FRMPD1: variants seen among roughly 807,000 people sequenced by gnomAD.
The protein encoded by FRMPD1 is FERM and PDZ domain containing 1.
A neutral mutation model predicts 117.8 loss-of-function variants in FRMPD1; 76 were observed. The ratio of observed to expected loss-of-function variants is 0.65; its 90% CI spans 0.54 to 0.78. The LOEUF (loss-of-function observed/expected upper bound fraction) is 0.78, where lower values mean the gene tolerates loss of function less well. FRMPD1 is among the 30% of genes least tolerant of loss of function. The pLI is 0.00. For missense variants in FRMPD1, 1,786 were observed against 1,964.5 expected (o/e 0.91, Z 1.72); for synonymous variants, 783 against 770.4 (o/e 1.02, Z -0.27).
chr9:37,631,074 GCACTTGTTGGGTGTCACTT>G, the FRMPD1 span, among the ~76,000 whole-genome samples: 1 of 152,188 alleles, frequency 6.6e-6, no homozygotes, highest in African/African-American at 2.4e-5. Flanking sequence ...AAGTCTGTCT[GCACTTGTTGGGTGTCACTT>G]CACAGAGGAG....
Position 37,745,155 on chromosome 9 carries a change from A to G in FRMPD1, c.3123A>G (p.Thr1041=). Residue 1041 remains threonine, a synonymous_variant, in exon 16 of 16, where the codon ACA becomes ACG. Coordinates refer to ENST00000377765, the MANE Select transcript of FRMPD1 (RefSeq NM_014907.3). ...TAAATAATGTCTCTCAAGGAGACAC[A>G]CTAGAGCTCCAGTTGGAGCCCCATG... The part of the protein sequence containing the change: ...PGLNNVSQGD[T]LELQLEPHVQ... The G allele has an allele frequency of 1.9e-6, 3 of 1,614,070 alleles. No individual in the cohort carries two copies. The highest frequency in any genetic ancestry group is 1.7e-6 in the Non-Finnish European group (2 of 1,180,004).
intron 1 of FRMPD1, among the ~76,000 whole-genome samples, chr9:37,680,958 C>T (rs1821708493): frequency 2.6e-5 from 4 of 151,858 alleles, no homozygotes; most frequent in Admixed American, 2.0e-4. Flanking sequence ...GCCTGTAATC[C>T]CAGCACTTTG....
chr9:37,605,812 T>C, the FRMPD1 span, among the ~76,000 whole-genome samples: 1 of 152,078 alleles, frequency 6.6e-6, no homozygotes, highest in African/African-American at 2.4e-5. Flanking sequence ...ATTCTTGGGC[T>C]GAAGGGATCC....
chr9:37,680,077 C>T (rs1251112775), intron 1 of FRMPD1, among the ~76,000 whole-genome samples: 1 of 152,166 alleles, frequency 6.6e-6, no homozygotes, highest in Non-Finnish European at 1.5e-5. Context: ...GCCTGGGTCC[C>T]CATCCCCTCA....
Position 37,746,145 on chromosome 9 carries a change from T to C in FRMPD1, c.4113T>C (p.Ser1371=), listed in dbSNP as rs750224117. Residue 1371 remains serine, a synonymous_variant, in exon 16 of 16, where the codon TCT becomes TCC. Coordinates refer to ENST00000377765, the MANE Select transcript of FRMPD1 (RefSeq NM_014907.3). ...HPMAPLTSPP[S]AGSPVVLPWR... ...TGGCCCCCCTCACCTCACCGCCCTC[T>C]GCGGGAAGCCCGGTGGTTCTGCCCT... is the stretch of plus-strand genomic sequence containing the variant. 7 of 1,613,810 alleles carry C rather than the reference T, an allele frequency of 4.3e-6. No homozygotes were observed. Among genetic ancestry groups the C allele is most frequent in the Non-Finnish European group, 3.4e-6 (4 of 1,180,008 alleles).
intron 2 of FRMPD1, among the ~76,000 whole-genome samples, chr9:37,695,665 G>T (rs1219378339): frequency 6.6e-6 from 1 of 152,010 alleles, no homozygotes; most frequent in Admixed American, 6.6e-5. Flanking sequence ...AGACTAAATG[G>T]TACCACCTAC....
At chr9:37,660,200 C>T (rs555497764) in intron 1 of FRMPD1, among the ~76,000 whole-genome samples, 57 of 152,178 alleles carry the variant, frequency 3.7e-4, no homozygotes, top group African/African-American at 1.3e-3. Context: ...ATGAATCAGA[C>T]AGTCCCTGCC....
the FRMPD1 span, among the ~76,000 whole-genome samples, chr9:37,636,166 GGAAA>G: frequency 6.6e-6 from 1 of 152,208 alleles, no homozygotes; most frequent in Non-Finnish European, 1.5e-5. Context: ...AGTGGGGAGA[GGAAA>G]GGGTGGGCTG....
upstream of FRMPD1, among the ~76,000 whole-genome samples, chr9:37,648,073 G>T (rs952185639): frequency 1.3e-5 from 2 of 152,090 alleles, no homozygotes; most frequent in African/African-American, 4.8e-5. Flanking sequence ...GTGCTGGCTA[G>T]CAAGTAATGA....
chr9:37,732,498 G>A lies in FRMPD1; in HGVS notation c.995+58G>A, dbSNP rs1037114715. On this transcript the variant is annotated intron_variant, in intron 10 of 15. Coordinates refer to ENST00000377765, the MANE Select transcript of FRMPD1 (RefSeq NM_014907.3). ...TTATAACTTGCTGGCCCCTGGCCAGGAGGGCCAGATGCCACAGAAAGCTGA... is the reference window on the plus strand; with the variant it reads ...TTATAACTTGCTGGCCCCTGGCCAGAAGGGCCAGATGCCACAGAAAGCTGA... 7.2e-6 allele frequency: 11 copies of A among 1,517,954 alleles called. No homozygotes were observed. The African/African-American group carries it at 1.4e-4, about 19-fold the overall frequency. 94.0% of individuals were successfully genotyped at this position (1,517,954 alleles called of 1,614,324 possible). A position where few individuals can be genotyped will look rare whatever the true frequency, so the allele number is the denominator to read the frequency against.
chr9:37,710,981 T>C (rs975112226), intron 4 of FRMPD1, among the ~76,000 whole-genome samples: 1 of 142,268 alleles, frequency 7.0e-6, no homozygotes, highest in Non-Finnish European at 1.5e-5. Context: ...AAAAAAAAAA[T>C]TGGGGGACAT....
At position 37,744,790 on chromosome 9, in the gene FRMPD1, G is replaced by A. The variant is rs768722195; in HGVS notation, c.2758G>A (p.Val920Ile). 2.7e-5 allele frequency: 43 copies of A among 1,614,036 alleles called. No homozygotes were observed. Among genetic ancestry groups the A allele is most frequent in the Non-Finnish European group, 3.2e-5 (38 of 1,180,042 alleles). Residue 920 changes from valine to isoleucine, a missense_variant, in exon 16 of 16, where the codon GTC (valine) becomes ATC (isoleucine). Coordinates refer to ENST00000377765, the MANE Select transcript of FRMPD1 (RefSeq NM_014907.3). Reference sequence around the variant, plus strand: ...CAAGAGCACAAACCCAGCCTCCAGGGTCATGGAGATGGAGCCCGAGACCAT... The same window carrying A: ...CAAGAGCACAAACCCAGCCTCCAGGATCATGGAGATGGAGCCCGAGACCAT... ...ETKSTNPASR[V>I]MEMEPETMET... is the part of the protein sequence containing the mutation.
the FRMPD1 span, among the ~76,000 whole-genome samples, chr9:37,626,344 A>C: frequency 5.9e-5 from 9 of 151,632 alleles, no homozygotes; most frequent in Non-Finnish European, 8.8e-5. Flanking sequence ...AATAAAAATA[A>C]AAATACAAAA....
the FRMPD1 span, among the ~76,000 whole-genome samples, chr9:37,634,851 A>G: frequency 2.0e-5 from 3 of 151,244 alleles, no homozygotes; most frequent in Admixed American, 1.3e-4. Flanking sequence ...TGCTGCACCT[A>G]TTGACCCACC....
the FRMPD1 span, among the ~76,000 whole-genome samples, chr9:37,608,935 G>A: frequency 1.3e-5 from 2 of 152,174 alleles, no homozygotes; most frequent in East Asian, 1.9e-4. Flanking sequence ...CAGTCCAACC[G>A]TGCTCCTGAA....
chr9:37,662,909 G>A (rs1004497873), intron 1 of FRMPD1, among the ~76,000 whole-genome samples: 1 of 152,186 alleles, frequency 6.6e-6, no homozygotes, highest in Non-Finnish European at 1.5e-5. Context: ...AATTACATGC[G>A]TAAAGAGAAT....
At chr9:37,626,946 C>A in the FRMPD1 span, among the ~76,000 whole-genome samples, 113 of 152,292 alleles carry the variant, frequency 7.4e-4, no homozygotes, top group South Asian at 1.7e-3. Flanking sequence ...AGTACACCTG[C>A]TTTGCAAGTG....
chr9:37,664,380 A>C (rs1325915), intron 1 of FRMPD1, among the ~76,000 whole-genome samples: 1 of 151,846 alleles, frequency 6.6e-6, no homozygotes, highest in Non-Finnish European at 1.5e-5. Context: ...ATAGGTATAC[A>C]TGTGCCTAGT....
chr9:37,684,512 T>C (rs1419541567), intron 1 of FRMPD1, among the ~76,000 whole-genome samples: 1 of 152,154 alleles, frequency 6.6e-6, no homozygotes, highest in Non-Finnish European at 1.5e-5. Context: ...ATAAAAGGGA[T>C]GTGATTAGAA....
Sources: gnomAD v4.1 joint callset for allele counts (sites outside exome capture counted in the v4.1 genomes callset) on GRCh38, gnomAD v4.1.1 for gene constraint, MANE v1.5 for transcripts, NCBI Gene and HGNC (gene_info 2026-07-23, HGNC 2026-07-21) for gene names.